The following GCKR variants were observed in gnomAD, a reference collection of about 807,000 sequenced individuals.
The protein encoded by GCKR is glucokinase regulatory protein.
In GCKR, 73 loss-of-function variants were observed where a neutral mutation model predicts 82.9. The observed-to-expected ratio is 0.88, with a 90% CI of 0.73 to 1.07. The LOEUF (loss-of-function observed/expected upper bound fraction) is 1.07, where lower values mean the gene tolerates loss of function less well. GCKR is among the 50% of genes least tolerant of loss of function. The pLI, the probability that GCKR is intolerant of heterozygous loss-of-function variation, is 0.00. For missense variants in GCKR, 784 were observed against 782.1 expected, an observed-to-expected ratio of 1.00 and a Z score of -0.03; for synonymous variants, 294 against 291.8, an observed-to-expected ratio of 1.01 and a Z score of -0.08.
At chr2:27,503,241 G>A (rs925501550) in intron 8 of GCKR, among the ~76,000 whole-genome samples, 1 of 152,220 alleles carries the variant, frequency 6.6e-6, no homozygotes, top group African/African-American at 2.4e-5. Context: ...GCTTATGCAA[G>A]GAGCAGGACA....
In GCKR at chr2:27,506,557, C is replaced by G; in HGVS notation, c.946C>G (p.Leu316Val). The G allele has an allele frequency of 1.2e-6, 2 of 1,611,912 alleles. No homozygotes were observed. Among genetic ancestry groups the G allele is most frequent in the Non-Finnish European group, 1.7e-6 (2 of 1,178,010 alleles). ...CAGCCAAAGCCCCAAGATTGCCACC[C>G]TGATGAAGAGTGTCAGCACCAGGTG... ...TYSQSPKIAT[L>V]MKSVSTSLEK... is the part of the protein sequence containing the mutation. Residue 316 changes from leucine (L) to valine (V), a missense_variant, in exon 11 of 19, where the codon CTG becomes GTG. Physicochemically the swap from Leu to Val is conservative, Grantham distance 32. Transcript: ENST00000264717.
chr2:27,498,919 C>A, intron 5 of GCKR, 122 bp downstream of exon 5: 1 of 753,964 alleles, frequency 1.3e-6, no homozygotes, highest in South Asian at 1.4e-5. Flanking sequence ...ATTCCTTATT[C>A]CCTCACACTT....
chr2:27,508,872 C>CTT (rs57634090), intron 16 of GCKR, among the ~76,000 whole-genome samples: 23,520 of 145,228 alleles, frequency 0.16, 1,994 homozygotes, highest in East Asian at 0.34. Flanking sequence ...TTTACCACAC[C>CTT]TTTTTTTTTT....
rs1558445253 is a variant in GCKR at position 27,523,542 on chromosome 2, C to G, written c.*103C>G. 8.4e-7 allele frequency: 1 copy of G among 1,193,282 alleles called. No individual in the cohort carries two copies. The highest frequency in any genetic ancestry group is 1.5e-5 in the African/African-American group (1 of 67,412). The allele number at this position is 1,193,282 out of a possible 1,614,324, so 73.9% of individuals were successfully genotyped here. A position where few individuals can be genotyped will look rare whatever the true frequency, so the allele number is the denominator to read the frequency against. ...CAGAACATGTGGGAGGAAGAAGCCCCGTTTCCAGGGCATCCGCAGCCCAGG... is the reference window on the plus strand; with the variant it reads ...CAGAACATGTGGGAGGAAGAAGCCCGGTTTCCAGGGCATCCGCAGCCCAGG... On this transcript the variant is annotated 3_prime_UTR_variant, in exon 19 of 19. Coordinates refer to ENST00000264717, the MANE Select transcript of GCKR (RefSeq NM_001486.4).
At chr2:27,519,453 C>A (rs1040171882) in intron 17 of GCKR, among the ~76,000 whole-genome samples, 1 of 152,102 alleles carries the variant, frequency 6.6e-6, no homozygotes. Context: ...AGGCACCCCC[C>A]ACCATGCCCA....
In GCKR at chr2:27,498,782, T is replaced by C. The variant is rs1422051824; in HGVS notation, c.413T>C (p.Ile138Thr). The C allele has an allele frequency of 6.3e-6, 10 of 1,596,270 alleles. No homozygotes were observed. Among genetic ancestry groups the C allele is most frequent in the Admixed American group, 1.7e-5 (1 of 59,986 alleles). ...LGQKPLYTYL[I>T]AGGDRSVVAS... ...CAGAAACCTCTTTACACCTACCTCATTGCAGGTGGTGACAGGTAAGCCAAG... is the reference window on the plus strand; with the variant it reads ...CAGAAACCTCTTTACACCTACCTCACTGCAGGTGGTGACAGGTAAGCCAAG... The change falls in exon 5 of 19, where the codon ATT becomes ACT. Residue 138 changes from isoleucine to threonine, a missense_variant. Transcript: ENST00000264717.
intron 8 of GCKR, 99 bp downstream of exon 8, chr2:27,501,328 T>C: frequency 1.2e-6 from 1 of 828,258 alleles, no homozygotes; most frequent in East Asian, 2.4e-5. Context: ...GATAGTCTTG[T>C]TCACCAAATC....
Position 27,497,436 on chromosome 2 carries a change from C to T in GCKR, c.216+37C>T, listed in dbSNP as rs904604296. On this transcript the variant is annotated intron_variant, in intron 2 of 18. Coordinates refer to ENST00000264717, the MANE Select transcript of GCKR (RefSeq NM_001486.4). Reference sequence around the variant, plus strand: ...CCAAGACCTGGACCCTGGAAATAAACATGCCAACCCCAACCCCACCTCTGC... The same window carrying T: ...CCAAGACCTGGACCCTGGAAATAAATATGCCAACCCCAACCCCACCTCTGC... The T allele has an allele frequency of 3.1e-6, 5 of 1,612,134 alleles. No homozygotes were observed. In the Admixed American group the frequency reaches 5.0e-5, roughly 16 times the overall value.
At chr2:27,498,104 C>G (rs1669460327) in intron 3 of GCKR, 151 bp from the exon 4 acceptor site, 1 of 647,046 alleles carries the variant, frequency 1.5e-6, no homozygotes, top group East Asian at 2.7e-5. Flanking sequence ...GTTCTTTTTG[C>G]TACACTACAT....
At chr2:27,520,127 A>G (rs1349592260) in intron 17 of GCKR, among the ~76,000 whole-genome samples, 1 of 151,882 alleles carries the variant, frequency 6.6e-6, no homozygotes, top group African/African-American at 2.4e-5. Flanking sequence ...ATATATTTGG[A>G]TGTCCTGTAT....
At chr2:27,507,354 G>C in intron 13 of GCKR, 43 bp downstream of exon 13, 1 of 1,233,106 alleles carries the variant, frequency 8.1e-7, no homozygotes. Flanking sequence ...GAGACCACTA[G>C]TGTGCTGAGG....
In GCKR at chr2:27,497,354, T is replaced by C. The variant is rs140515989; in HGVS notation, c.171T>C (p.Asp57=). The C allele has an allele frequency of 5.0e-6, 8 of 1,614,114 alleles. No individual in the cohort carries two copies. Among genetic ancestry groups the C allele is most frequent in the African/African-American group, 1.3e-5 (1 of 74,930 alleles). Residue 57 remains aspartate, a synonymous_variant, in exon 2 of 19, where the codon GAT becomes GAC. Coordinates refer to ENST00000264717, the MANE Select transcript of GCKR (RefSeq NM_001486.4). Reference sequence around the variant, plus strand: ...TTGTTCGACTGCTAGGGCAATGTGATGCTGAGATCTTCCAGGAGGAGGGGC... The same window carrying C: ...TTGTTCGACTGCTAGGGCAATGTGACGCTGAGATCTTCCAGGAGGAGGGGC... ...ENIVRLLGQC[D]AEIFQEEGQA...
In GCKR at chr2:27,523,278, A is replaced by G; in HGVS notation, c.1717A>G (p.Ile573Val). The G allele has an allele frequency of 6.2e-7, 1 of 1,612,678 alleles. No individual in the cohort carries two copies. The highest frequency in any genetic ancestry group is 8.5e-7 in the Non-Finnish European group (1 of 1,179,770). ...TGCCTCTTCCCCACAGGTGATACCCATCGCCTTGCTGAGCCTCCTATTCCG... is the reference window on the plus strand; with the variant it reads ...TGCCTCTTCCCCACAGGTGATACCCGTCGCCTTGCTGAGCCTCCTATTCCG... Reference protein sequence around the residue: ...VAHEKEQVIPIALLSLLFRCS... With the variant: ...VAHEKEQVIPVALLSLLFRCS... The change falls in exon 19 of 19, where the codon ATC becomes GTC. Residue 573 changes from isoleucine (I) to valine (V), a missense_variant. Coordinates refer to ENST00000264717, the MANE Select transcript of GCKR (RefSeq NM_001486.4).
chr2:27,507,294 G>T lies in GCKR; in HGVS notation c.1126G>T (p.Ala376Ser), dbSNP rs751456725. ...GDHSDMFNQK[A>S]ELTNQGPQFT... is the part of the protein sequence containing the mutation. The stretch of plus-strand genomic sequence containing the variant: ...TCACAGTGACATGTTTAACCAGAAG[G>T]CTGAGCTCACCAACCAGGTCGGAGA... The change falls in exon 13 of 19, where the codon GCT becomes TCT. Residue 376 changes from alanine (A) to serine (S), a missense_variant. Physicochemically the swap from Ala to Ser is moderately conservative, Grantham distance 99. Transcript: ENST00000264717. The T allele has an allele frequency of 6.2e-7, 1 of 1,610,164 alleles. No homozygotes were observed. Among genetic ancestry groups the T allele is most frequent in the South Asian group, 1.1e-5 (1 of 91,010 alleles).
intron 10 of GCKR, among the ~76,000 whole-genome samples, chr2:27,506,082 G>A (rs576143153): frequency 2.6e-5 from 4 of 152,264 alleles, no homozygotes; most frequent in African/African-American, 9.6e-5. Context: ...GCCTGCCTGG[G>A]GCCTCCAAAG....
chr2:27,517,809 A>C (rs149367453), intron 16 of GCKR, among the ~76,000 whole-genome samples: 331 of 152,346 alleles, frequency 2.2e-3, no homozygotes, highest in Non-Finnish European at 3.5e-3. Flanking sequence ...AGTTTTCAAC[A>C]TGCCTTTACA....
chr2:27,508,893 A>T (rs549215540), intron 16 of GCKR, among the ~76,000 whole-genome samples: 16 of 149,038 alleles, frequency 1.1e-4, no homozygotes, highest in Non-Finnish European at 1.6e-4. Flanking sequence ...TTGCAAGTTT[A>T]CTATGCTGAA....
chr2:27,520,047 T>A (rs527689373), intron 17 of GCKR, among the ~76,000 whole-genome samples: 94 of 152,136 alleles, frequency 6.2e-4, no homozygotes, highest in Middle Eastern at 6.8e-3. Flanking sequence ...GAATTTCAGA[T>A]AAATATGGAA....
rs1245831092 is a variant in GCKR at position 27,507,163 on chromosome 2, C to A, written c.1067-72C>A. On this transcript the variant is annotated intron_variant, in intron 12 of 18. Coordinates refer to ENST00000264717, the MANE Select transcript of GCKR (RefSeq NM_001486.4). ...ACTTTTCCTCCCAGTCCCATTTTCT[C>A]CCCCTGAAGCCTAGAACCTTCCTTT... 9.4e-6 allele frequency: 10 copies of A among 1,061,758 alleles called. No homozygotes were observed. The Admixed American group carries it at 1.5e-4, about 16-fold the overall frequency. The allele number at this position is 1,061,758 out of a possible 1,614,324, so 65.8% of individuals were successfully genotyped here.
Sources: gnomAD v4.1 joint callset for allele counts (sites outside exome capture counted in the v4.1 genomes callset) on GRCh38, gnomAD v4.1.1 for gene constraint, MANE v1.5 for transcripts, NCBI Gene and HGNC (gene_info 2026-07-23, HGNC 2026-07-21) for gene names.